OR51B5: variants seen among roughly 807,000 people sequenced by gnomAD.
OR51B5 encodes olfactory receptor family 51 subfamily B member 5.
For synonymous variants in OR51B5, 186 were observed against 144.8 expected, an observed-to-expected ratio of 1.28 and a Z score of -2.04; for missense variants, 456 against 374.6, an observed-to-expected ratio of 1.22 and a Z score of -1.79.
chr11:5,380,175 G>A (rs950337543), intron 1 of OR51B5, among the ~76,000 whole-genome samples: 2 of 152,190 alleles, frequency 1.3e-5, no homozygotes, highest in Non-Finnish European at 2.9e-5. Flanking sequence ...CTGAAGAGAG[G>A]TAGGATGTTA....
chr11:5,410,616 A>C (rs1416720841), intron 1 of OR51B5, among the ~76,000 whole-genome samples: 2 of 152,146 alleles, frequency 1.3e-5, no homozygotes, highest in Non-Finnish European at 2.9e-5. Flanking sequence ...ACTTAGAAAA[A>C]AAAAGTTAAC....
rs114413655 is a variant in OR51B5, at chr11:5,368,358, A to C, written n.85-21448T>G. The stretch of plus-strand genomic sequence containing the variant: ...GGTCCACTCATCTTTAAGTGGGGAT[A>C]CCAATAGTACCCACATGGTTGAATT... On this transcript the variant is annotated intron_variant and non_coding_transcript_variant, in intron 1 of 4. Coordinates refer to the OR51B5 transcript ENST00000415970. 4.1e-3 allele frequency among the ~76,000 whole-genome samples: 631 copies of C among 152,280 alleles called. 7 individuals carry two copies. The highest frequency in any genetic ancestry group is 0.014 in the African/African-American group (595 of 41,554).
intron 1 of OR51B5, among the ~76,000 whole-genome samples, chr11:5,403,798 C>T (rs1227831146): frequency 6.6e-6 from 1 of 151,936 alleles, no homozygotes. Context: ...ACCTTGCATA[C>T]CTGGAGCAGG....
chr11:5,405,976 CAG>C (rs1850052964), intron 1 of OR51B5, among the ~76,000 whole-genome samples: 1 of 152,242 alleles, frequency 6.6e-6, no homozygotes, highest in Admixed American at 6.5e-5. Flanking sequence ...ATAAATAAGA[CAG>C]TGATTATTTC....
In OR51B5 at chr11:5,440,648, G is replaced by C. The variant is rs1328074600; in HGVS notation, n.84+64921C>G. The stretch of plus-strand genomic sequence containing the variant: ...TTTTCACACTGTAGATGATAGGGTT[G>C]AGCATGGGTGGTACAAACAGGTAGA... On this transcript the variant is annotated intron_variant and non_coding_transcript_variant, in intron 1 of 4. Coordinates refer to the OR51B5 transcript ENST00000415970. The C allele has an allele frequency of 7.4e-6, 12 of 1,613,752 alleles. No homozygotes were observed. In the East Asian group the frequency reaches 2.7e-4, roughly 36 times the overall value.
Position 5,458,864 on chromosome 11 carries a change from G to A in OR51B5, n.84+46705C>T, listed in dbSNP as rs578110534. ...CTAGGAGCCTATAGGCAAAGACTATGGGATTTTCTAGGTATAGAAACATGT... is the reference window on the plus strand; with the variant it reads ...CTAGGAGCCTATAGGCAAAGACTATAGGATTTTCTAGGTATAGAAACATGT... On this transcript the variant is annotated intron_variant and non_coding_transcript_variant, in intron 1 of 4. Coordinates refer to the OR51B5 transcript ENST00000415970. Among the ~76,000 whole-genome samples, 146 of 152,222 alleles carry A rather than the reference G, an allele frequency of 9.6e-4. 1 individual carries two copies. Among genetic ancestry groups the A allele is most frequent in the African/African-American group, 2.9e-3 (119 of 41,542 alleles).
chr11:5,458,499 G>A (rs1197521770), intron 1 of OR51B5, among the ~76,000 whole-genome samples: 2 of 152,104 alleles, frequency 1.3e-5, no homozygotes, highest in African/African-American at 4.8e-5. Flanking sequence ...CTGAGAAGAT[G>A]TTGGTAGTTT....
chr11:5,380,091 A>T (rs1163705910), intron 1 of OR51B5, among the ~76,000 whole-genome samples: 2 of 152,192 alleles, frequency 1.3e-5, no homozygotes, highest in African/African-American at 4.8e-5. Context: ...TGGGGAGAAG[A>T]GATGGTTTCC....
At chr11:5,403,631 G>A (rs2647581) in intron 1 of OR51B5, 52,859 of 399,194 alleles carry the variant, frequency 0.13, 4,349 homozygotes, top group African/African-American at 0.29. Flanking sequence ...CATGTTATGC[G>A]ATTGATATCA....
Position 5,454,209 on chromosome 11 carries a change from T to C in OR51B5, n.84+51360A>G. 1.9e-6 allele frequency: 3 copies of C among 1,614,096 alleles called. 1 individual carries two copies. The highest frequency in any genetic ancestry group is 2.2e-5 in the South Asian group (2 of 91,082). On this transcript the variant is annotated intron_variant and non_coding_transcript_variant, in intron 1 of 4. Coordinates refer to the OR51B5 transcript ENST00000415970. Reference sequence around the variant, plus strand: ...GGAACGCCTCAAAGCTCTCAACACATGTGTGTCACATATCCTGGCTGTACT... The same window carrying C: ...GGAACGCCTCAAAGCTCTCAACACACGTGTGTCACATATCCTGGCTGTACT...
intron 1 of OR51B5, among the ~76,000 whole-genome samples, chr11:5,378,158 A>C (rs974216453): frequency 6.6e-6 from 1 of 151,844 alleles, no homozygotes; most frequent in African/African-American, 2.4e-5. Context: ...ATAACGACGC[A>C]TATCTACAAC....
At chr11:5,375,412 G>T (rs1589961272) in intron 1 of OR51B5, among the ~76,000 whole-genome samples, 1 of 144,216 alleles carries the variant, frequency 6.9e-6, no homozygotes, top group Non-Finnish European at 1.5e-5. Flanking sequence ...AGACTAGGAA[G>T]AAACTGCATC....
chr11:5,372,192 C>G (rs1018614467), intron 1 of OR51B5, among the ~76,000 whole-genome samples: 1 of 152,132 alleles, frequency 6.6e-6, no homozygotes, highest in Non-Finnish European at 1.5e-5. Flanking sequence ...TAGATTGTTT[C>G]CATGTCTTGG....
chr11:5,394,526 A>G (rs1233804182), intron 1 of OR51B5, among the ~76,000 whole-genome samples: 2 of 152,228 alleles, frequency 1.3e-5, no homozygotes, highest in Non-Finnish European at 1.5e-5. Flanking sequence ...CTATCCCGTT[A>G]TTTAATATCC....
chr11:5,382,360 C>T (rs1849621111), intron 1 of OR51B5, among the ~76,000 whole-genome samples: 1 of 152,170 alleles, frequency 6.6e-6, no homozygotes, highest in Non-Finnish European at 1.5e-5. Context: ...AGGTTGGGGC[C>T]TTCCCTGGCC....
chr11:5,375,490 A>C, intron 1 of OR51B5, among the ~76,000 whole-genome samples: 1 of 152,152 alleles, frequency 6.6e-6, no homozygotes, highest in East Asian at 1.9e-4. Context: ...TATTAACTTT[A>C]AATGTAAATG....
At position 5,389,874 on chromosome 11, in the gene OR51B5, T is replaced by C. The variant is rs774213902; in HGVS notation, n.85-42964A>G. 9.3e-6 allele frequency: 15 copies of C among 1,613,506 alleles called. 1 individual carries two copies. Among genetic ancestry groups the C allele is most frequent in the Admixed American group, 3.3e-5 (2 of 60,022 alleles). ...CAGCAAGTGGTCAGAGCAGGCCTAA[T>C]TGTCATCTTCCGGGGACCTGTGGCC... On this transcript the variant is annotated intron_variant and non_coding_transcript_variant, in intron 1 of 4. Coordinates refer to the OR51B5 transcript ENST00000415970.
At chr11:5,434,021 A>G (rs1441936009) in intron 1 of OR51B5, among the ~76,000 whole-genome samples, 1 of 152,076 alleles carries the variant, frequency 6.6e-6, no homozygotes, top group Non-Finnish European at 1.5e-5. Context: ...TTACCAATTT[A>G]TTTATCTTGA....
intron 1 of OR51B5, among the ~76,000 whole-genome samples, chr11:5,376,315 G>T (rs1221697821): frequency 6.6e-6 from 1 of 152,168 alleles, no homozygotes; most frequent in Non-Finnish European, 1.5e-5. Flanking sequence ...TCGAATCAGT[G>T]TGTAGGGGGA....
Sources: allele counts gnomAD v4.1 joint callset (sites outside exome capture counted in the v4.1 genomes callset), GRCh38; gene constraint gnomAD v4.1.1; transcripts MANE v1.5; gene names NCBI Gene and HGNC (gene_info 2026-07-23, HGNC 2026-07-21).